Variants in MCF2L2 observed in about 807,000 individuals in gnomAD.
The protein encoded by MCF2L2 is probable guanine nucleotide exchange factor MCF2L2.
A neutral mutation model predicts 150.2 loss-of-function variants in MCF2L2; 102 were observed. That is an observed-to-expected ratio of 0.68 (90% CI 0.58 to 0.80). MCF2L2 has a LOEUF of 0.80. Ranked by LOEUF, MCF2L2 falls within the 30% of genes least tolerant of loss-of-function variation. MCF2L2 has a pLI of 0.00. For synonymous variants in MCF2L2, 465 were observed against 491.3 expected, an observed-to-expected ratio of 0.95 and a Z score of 0.71; for missense variants, 1,256 against 1,372.8, an observed-to-expected ratio of 0.91 and a Z score of 1.34.
At chr3:183,341,471 T>A in intron 4 of MCF2L2, 69 bp downstream of exon 4, 1 of 1,274,466 alleles carries the variant, frequency 7.8e-7, no homozygotes, top group Admixed American at 1.8e-5. Flanking sequence ...CCCCAGGACT[T>A]TGATATGAAA....
At chr3:183,412,054 A>C (rs1050070002) in intron 1 of MCF2L2, among the ~76,000 whole-genome samples, 3 of 152,212 alleles carry the variant, frequency 2.0e-5, no homozygotes, top group Non-Finnish European at 2.9e-5. Flanking sequence ...GAATGCTAGA[A>C]GGAGGCTCAG....
At chr3:183,240,514 A>G (rs1723972697) in intron 15 of MCF2L2, among the ~76,000 whole-genome samples, 1 of 152,214 alleles carries the variant, frequency 6.6e-6, no homozygotes, top group African/African-American at 2.4e-5. Flanking sequence ...AACCACGCCT[A>G]GTCCCCCAAA....
intron 15 of MCF2L2, among the ~76,000 whole-genome samples, chr3:183,252,871 G>A (rs1724626759): frequency 6.6e-6 from 1 of 152,242 alleles, no homozygotes; most frequent in East Asian, 1.9e-4. Flanking sequence ...CAACATGCGG[G>A]AAACAAGAAA....
intron 1 of MCF2L2, among the ~76,000 whole-genome samples, chr3:183,408,763 C>G (rs942869407): frequency 3.9e-5 from 6 of 152,336 alleles, no homozygotes; most frequent in African/African-American, 1.4e-4. Flanking sequence ...TGGACAGGTT[C>G]AGTTCAAATA....
Position 183,229,017 on chromosome 3 carries a change from C to T in MCF2L2, c.2045+649G>A, listed in dbSNP as rs191177589. On this transcript the variant is annotated intron_variant, in intron 17 of 29. Coordinates refer to ENST00000328913, the MANE Select transcript of MCF2L2 (RefSeq NM_015078.4). ...TTCAGTTTTGCGTCTGACCAACGGA[C>T]GAGGAATGGGGTTAGGAAGCAACTG... Among the ~76,000 whole-genome samples, 12 of 152,190 alleles carry T rather than the reference C, an allele frequency of 7.9e-5. No homozygotes were observed. In the East Asian group the frequency reaches 1.2e-3, roughly 15 times the overall value.
At position 183,338,833 on chromosome 3, in the gene MCF2L2, T is replaced by A. The variant is rs750530870; in HGVS notation, c.453A>T (p.Lys151Asn). The A allele has an allele frequency of 3.7e-6, 6 of 1,606,004 alleles. No homozygotes were observed. The highest frequency in any genetic ancestry group is 2.7e-5 in the African/African-American group (2 of 74,820). The change falls in exon 5 of 30, where the codon AAA becomes AAT. Residue 151 changes from lysine to asparagine, a missense_variant. Lys to Asn is a moderately conservative substitution (Grantham distance 94, BLOSUM62 0). Transcript: ENST00000328913. ...IQRTFTDIGI[K>N]YYRNEFKTKV... Reference sequence around the variant, plus strand: ...TCGTTTTAAACTCATTTCGATAGTATTTAATGCCAATGTCAGTGAATGTCC... The same window carrying A: ...TCGTTTTAAACTCATTTCGATAGTAATTAATGCCAATGTCAGTGAATGTCC...
At chr3:183,188,277 G>A (rs913541332) in intron 27 of MCF2L2, among the ~76,000 whole-genome samples, 4 of 152,178 alleles carry the variant, frequency 2.6e-5, no homozygotes, top group African/African-American at 7.2e-5. Flanking sequence ...AGTTAAGTAG[G>A]ATTCTTGCTG....
intron 14 of MCF2L2, among the ~76,000 whole-genome samples, chr3:183,279,650 C>T (rs1437628800): frequency 6.6e-6 from 1 of 152,150 alleles, no homozygotes; most frequent in East Asian, 1.9e-4. Context: ...CGGAACAGCC[C>T]CTCTCCCCTT....
chr3:183,343,726 A>C (rs1400809716), intron 3 of MCF2L2, among the ~76,000 whole-genome samples: 1 of 152,136 alleles, frequency 6.6e-6, no homozygotes, highest in African/African-American at 2.4e-5. Context: ...TGTTATGTAA[A>C]CGTTAAATAT....
At chr3:183,351,284 T>C in intron 3 of MCF2L2, among the ~76,000 whole-genome samples, 1 of 133,374 alleles carries the variant, frequency 7.5e-6, no homozygotes. Context: ...AATCCTCCCA[T>C]CTCAATCCTC....
intron 1 of MCF2L2, among the ~76,000 whole-genome samples, chr3:183,400,916 T>C (rs764001675): frequency 6.6e-6 from 1 of 152,160 alleles, no homozygotes; most frequent in African/African-American, 2.4e-5. Context: ...CTAACCTCTC[T>C]AGGCTGCCAG....
At chr3:183,408,910 T>C (rs1218277149) in intron 1 of MCF2L2, among the ~76,000 whole-genome samples, 1 of 152,238 alleles carries the variant, frequency 6.6e-6, no homozygotes, top group Non-Finnish European at 1.5e-5. Context: ...AAGTCTTCTA[T>C]ACTAAATAAA....
At chr3:183,276,840 C>T (rs553786311) in intron 15 of MCF2L2, 32 bp downstream of exon 15, 13 of 1,518,144 alleles carry the variant, frequency 8.6e-6, no homozygotes, top group African/African-American at 3.3e-5. Context: ...CGCACCCCCT[C>T]GCCCCCTGCA....
In MCF2L2 at chr3:183,270,259, A is replaced by G; in HGVS notation, c.1862+6613T>C. ...CTGGCTTGGGAAGATCAAAGGTACA[A>G]TGATATAATTCAGCAAGACTTTGTT... On this transcript the variant is annotated intron_variant, in intron 15 of 29. Transcript: ENST00000328913. This position sits in a 1 kb window ranked among gnomAD's most constrained non-coding sequence, Gnocchi z 4.5. The G allele has an allele frequency of 1.2e-6, 2 of 1,614,176 alleles. No homozygotes were observed. Among genetic ancestry groups the G allele is most frequent in the Non-Finnish European group, 1.7e-6 (2 of 1,179,982 alleles).
In MCF2L2 at chr3:183,428,076, T is replaced by C. The variant is rs1231218576; in HGVS notation, c.-99A>G. ...AAGGCATCTCCGCCCAAGGATGCTC[T>C]GCCCTCGCCCTCTTCCTGGCTCTCC... On this transcript the variant is annotated 5_prime_UTR_variant, in exon 1 of 30. Coordinates refer to ENST00000328913, the MANE Select transcript of MCF2L2 (RefSeq NM_015078.4). The surrounding 1 kb of genome is among the most constrained non-coding windows in gnomAD (Gnocchi z 5.1). 1 of 902,406 alleles carries C rather than the reference T, an allele frequency of 1.1e-6. No homozygotes were observed. The highest frequency in any genetic ancestry group is 1.8e-6 in the Non-Finnish European group (1 of 544,230). The allele number at this position is 902,406 out of a possible 1,614,324, so 55.9% of individuals were successfully genotyped here. A position where few individuals can be genotyped will look rare whatever the true frequency, so the allele number is the denominator to read the frequency against.
chr3:183,383,257 G>A (rs1235950714), intron 2 of MCF2L2, among the ~76,000 whole-genome samples: 1 of 151,634 alleles, frequency 6.6e-6, no homozygotes. Context: ...TTTTTGAGAT[G>A]GAGTTTCACT....
chr3:183,243,374 T>A (rs1246760029), intron 15 of MCF2L2, among the ~76,000 whole-genome samples: 1 of 152,192 alleles, frequency 6.6e-6, no homozygotes, highest in African/African-American at 2.4e-5. Context: ...AATGCCCTCA[T>A]TTTAACAGTA....
chr3:183,281,405 T>C (rs945715378), intron 14 of MCF2L2, among the ~76,000 whole-genome samples: 1 of 149,928 alleles, frequency 6.7e-6, no homozygotes, highest in Non-Finnish European at 1.5e-5. Flanking sequence ...GGTTTTGATA[T>C]GGAGAACAGG....
At chr3:183,358,365 T>C (rs897243886) in intron 3 of MCF2L2, among the ~76,000 whole-genome samples, 1 of 152,138 alleles carries the variant, frequency 6.6e-6, no homozygotes, top group Non-Finnish European at 1.5e-5. Flanking sequence ...ATACCATATA[T>C]GACCTAAAGA....
Sources: gnomAD v4.1 joint callset for allele counts (sites outside exome capture counted in the v4.1 genomes callset) on GRCh38, gnomAD v4.1.1 for gene constraint, Gnocchi (gnomAD v3.1) non-coding constraint, MANE v1.5 for transcripts, NCBI Gene and HGNC (gene_info 2026-07-23, HGNC 2026-07-21) for gene names.